The following BMP7 variants were observed in gnomAD, a reference collection of about 807,000 sequenced individuals.
BMP7 encodes bone morphogenetic protein 7, also known as osteogenic protein 1.
In BMP7, 12 loss-of-function variants were observed where a neutral mutation model predicts 41.2. That is an observed-to-expected ratio of 0.29 (90% CI 0.19 to 0.47). The LOEUF (loss-of-function observed/expected upper bound fraction) is 0.47, where lower values mean the gene tolerates loss of function less well. Ranked by LOEUF, BMP7 falls within the 20% of genes least tolerant of loss-of-function variation. The probability of loss-of-function intolerance (pLI) is 0.99; values close to 1 mark genes in which losing one functional copy is unlikely to be tolerated. For synonymous variants in BMP7, 248 were observed against 250.0 expected (o/e 0.99, Z 0.07); for missense variants, 467 against 606.0 (o/e 0.77, Z 2.41).
intron 1 of BMP7, among the ~76,000 whole-genome samples, chr20:57,233,300 T>C (rs1278860818): frequency 1.3e-5 from 2 of 152,098 alleles, no homozygotes; most frequent in Non-Finnish European, 2.9e-5. Context: ...CAAAGGACTT[T>C]CATCTTCAAA....
At chr20:57,252,703 CT>C (rs1409904861) in intron 1 of BMP7, among the ~76,000 whole-genome samples, 1 of 152,174 alleles carries the variant, frequency 6.6e-6, no homozygotes, top group Non-Finnish European at 1.5e-5. Context: ...TGATTGCAAT[CT>C]GTGCTTCTTT....
rs62205668 is a variant in BMP7 at position 57,215,288 on chromosome 20, C to G, written c.612-12665G>C. On this transcript the variant is annotated intron_variant, in intron 2 of 6. Transcript: ENST00000395863. The surrounding 1 kb of genome is among the most constrained non-coding windows in gnomAD (Gnocchi z 4.2). ...GGCTGCATGGGCTTCCGGTTGAGTG[C>G]CCCCATTTACTGTCCCCATCACCTC... 6.6e-6 allele frequency among the ~76,000 whole-genome samples: 1 copy of G among 152,194 alleles called. No individual in the cohort carries two copies. Among genetic ancestry groups the G allele is most frequent in the Non-Finnish European group, 1.5e-5 (1 of 68,024 alleles).
In BMP7 at chr20:57,207,958, T is replaced by C. The variant is rs542315291; in HGVS notation, c.612-5335A>G. 2.0e-4 allele frequency among the ~76,000 whole-genome samples: 31 copies of C among 151,618 alleles called. 1 individual carries two copies. The South Asian group carries it at 5.2e-3, about 26-fold the overall frequency. On this transcript the variant is annotated intron_variant, in intron 2 of 6. Coordinates refer to ENST00000395863, the MANE Select transcript of BMP7 (RefSeq NM_001719.3). ...CATTCTCCTGCCTCAGCCTCCCCAG[T>C]AGCTGGGACTACAGGCGCCCGCCAC...
At chr20:57,231,826 C>T (rs549329611) in intron 1 of BMP7, among the ~76,000 whole-genome samples, 48 of 152,350 alleles carry the variant, frequency 3.2e-4, no homozygotes, top group African/African-American at 1.0e-3. Flanking sequence ...CTGGCAGATA[C>T]GCAATCAGCC....
intron 3 of BMP7, among the ~76,000 whole-genome samples, chr20:57,185,026 G>A (rs986679210): frequency 4.6e-5 from 7 of 152,172 alleles, no homozygotes; most frequent in African/African-American, 1.7e-4. Flanking sequence ...ACTGGGGTGG[G>A]ACTTTCAGTG....
rs2123102744 is a variant in BMP7, at chr20:57,214,038, A to T, written c.612-11415T>A. Among the ~76,000 whole-genome samples the T allele has an allele frequency of 6.6e-6, 1 of 152,316 alleles. No homozygotes were observed. Among genetic ancestry groups the T allele is most frequent in the Non-Finnish European group, 1.5e-5 (1 of 68,012 alleles). ...CTAAAGTAAGATCACAGCTGCAGTG[A>T]GCTGACCCCAACTCAAGATGGAACC... On this transcript the variant is annotated intron_variant, in intron 2 of 6. Coordinates refer to ENST00000395863, the MANE Select transcript of BMP7 (RefSeq NM_001719.3). The surrounding 1 kb of genome is among the most constrained non-coding windows in gnomAD (Gnocchi z 4.0).
intron 1 of BMP7, among the ~76,000 whole-genome samples, chr20:57,238,846 A>G (rs1948910203): frequency 6.6e-6 from 1 of 152,178 alleles, no homozygotes; most frequent in Admixed American, 6.5e-5. Context: ...TGATAAACCC[A>G]TCAGATCTTG....
intron 1 of BMP7, among the ~76,000 whole-genome samples, chr20:57,258,925 C>A (rs908828710): frequency 2.0e-5 from 3 of 152,204 alleles, no homozygotes; most frequent in African/African-American, 7.2e-5. Context: ...TTGTTTTACA[C>A]CTACTAGGTG....
Position 57,174,577 on chromosome 20 carries a change from C to G in BMP7, c.1035+354G>C, listed in dbSNP as rs1417874944. Reference sequence around the variant, plus strand: ...GGAATGGGAATGGGGTAAATGAAGTCAGAGGGCAGAGGGGGAGATGGCTCC... The same window carrying G: ...GGAATGGGAATGGGGTAAATGAAGTGAGAGGGCAGAGGGGGAGATGGCTCC... On this transcript the variant is annotated intron_variant, in intron 5 of 6. Coordinates refer to ENST00000395863, the MANE Select transcript of BMP7 (RefSeq NM_001719.3). This position sits in a 1 kb window ranked among gnomAD's most constrained non-coding sequence, Gnocchi z 4.3. 6.6e-6 allele frequency among the ~76,000 whole-genome samples: 1 copy of G among 152,166 alleles called. No individual in the cohort carries two copies. Among genetic ancestry groups the G allele is most frequent in the Non-Finnish European group, 1.5e-5 (1 of 68,044 alleles).
At chr20:57,220,956 G>A (rs1444930160) in intron 2 of BMP7, among the ~76,000 whole-genome samples, 4 of 152,148 alleles carry the variant, frequency 2.6e-5, no homozygotes, top group Non-Finnish European at 5.9e-5. Flanking sequence ...ATGCGCTCAG[G>A]CACACAGGAC....
chr20:57,181,302 C>T (rs911290091), intron 4 of BMP7, among the ~76,000 whole-genome samples: 5 of 151,920 alleles, frequency 3.3e-5, no homozygotes, highest in African/African-American at 9.7e-5. Flanking sequence ...CCCAAGAGCT[C>T]GACACCAGCC....
At position 57,215,001 on chromosome 20, in the gene BMP7, G is replaced by A. The variant is rs1192252348; in HGVS notation, c.612-12378C>T. On this transcript the variant is annotated intron_variant, in intron 2 of 6. Coordinates refer to ENST00000395863, the MANE Select transcript of BMP7 (RefSeq NM_001719.3). The surrounding 1 kb of genome is among the most constrained non-coding windows in gnomAD (Gnocchi z 4.2). ...AGTTTACATTATTAAAAGAGAAATG[G>A]TAAATACTTTTTCAGATTATTCAGG... 6.6e-6 allele frequency: 1 copy of A among 152,182 alleles called. No individual in the cohort carries two copies. The highest frequency in any genetic ancestry group is 1.5e-5 in the Non-Finnish European group (1 of 68,036). 9.4% of individuals were successfully genotyped at this position (152,182 alleles called of 1,614,324 possible).
chr20:57,180,254 G>A (rs1246097497), intron 4 of BMP7, among the ~76,000 whole-genome samples: 3 of 152,136 alleles, frequency 2.0e-5, no homozygotes, highest in East Asian at 3.9e-4. Context: ...AACTCAAGAC[G>A]TGACTCCCAA....
At position 57,174,320 on chromosome 20, in the gene BMP7, C is replaced by T. The variant is rs181915796; in HGVS notation, c.1035+611G>A. On this transcript the variant is annotated intron_variant, in intron 5 of 6. Transcript: ENST00000395863. The surrounding 1 kb of genome is among the most constrained non-coding windows in gnomAD (Gnocchi z 4.3). ...CCAGTACCTAGAACAGGGCCCAGAA[C>T]GCTGCAGATGCTGCATGACTGCTGA... is the stretch of plus-strand genomic sequence containing the variant. Among the ~76,000 whole-genome samples, 35 of 152,314 alleles carry T rather than the reference C, an allele frequency of 2.3e-4. No homozygotes were observed. The highest frequency in any genetic ancestry group is 2.1e-3 in the East Asian group (11 of 5,184).
chr20:57,202,385 T>C (rs1464747403), intron 3 of BMP7, 90 bp downstream of exon 3: 19 of 1,526,430 alleles, frequency 1.2e-5, no homozygotes, highest in Non-Finnish European at 1.4e-5. Context: ...GAAGCCTGTT[T>C]GTAGTGAAGC....
At chr20:57,221,283 C>T (rs1600631004) in intron 2 of BMP7, among the ~76,000 whole-genome samples, 1 of 152,304 alleles carries the variant, frequency 6.6e-6, no homozygotes, top group African/African-American at 2.4e-5. Context: ...TGCAAAGCCT[C>T]ACTACACACT....
chr20:57,196,515 G>T (rs549637107), intron 3 of BMP7, among the ~76,000 whole-genome samples: 134 of 152,312 alleles, frequency 8.8e-4, no homozygotes, highest in African/African-American at 3.1e-3. Flanking sequence ...ATTGTTTGTT[G>T]AGTGAATAAC....
rs1984947858 is a variant in BMP7, at chr20:57,213,752, G to A, written c.612-11129C>T. 6.6e-6 allele frequency among the ~76,000 whole-genome samples: 1 copy of A among 152,300 alleles called. No homozygotes were observed. Among genetic ancestry groups the A allele is most frequent in the Admixed American group, 6.5e-5 (1 of 15,304 alleles). On this transcript the variant is annotated intron_variant, in intron 2 of 6. Transcript: ENST00000395863. This position sits in a 1 kb window ranked among gnomAD's most constrained non-coding sequence, Gnocchi z 4.4. ...CCACAGTGGGTGCTCAGGGATGTAG[G>A]CTGTAGGGCTCCAGGCTCTGAGTTG... is the stretch of plus-strand genomic sequence containing the variant.
chr20:57,209,549 G>A (rs1014932730), intron 2 of BMP7, among the ~76,000 whole-genome samples: 23 of 152,082 alleles, frequency 1.5e-4, no homozygotes, highest in African/African-American at 4.1e-4. Context: ...CTTTCGGGGT[G>A]ATGAAAACAT....
Sources: gnomAD v4.1 joint callset for allele counts (sites outside exome capture counted in the v4.1 genomes callset) on GRCh38, gnomAD v4.1.1 for gene constraint, Gnocchi (gnomAD v3.1) non-coding constraint, MANE v1.5 for transcripts, NCBI Gene and HGNC (gene_info 2026-07-23, HGNC 2026-07-21) for gene names.